SESTD1: variants seen among roughly 807,000 people sequenced by gnomAD.
SESTD1 encodes the protein SEC14 and spectrin domain containing 1.
SESTD1 carries 43 observed loss-of-function variants against 101.7 expected under a neutral mutation model. The ratio of observed to expected loss-of-function variants is 0.42; its 90% CI spans 0.33 to 0.55. The LOEUF is 0.55. Ranked by LOEUF, SESTD1 falls within the 20% of genes least tolerant of loss-of-function variation. The pLI is 0.07. For synonymous variants in SESTD1, 283 were observed against 286.8 expected, an observed-to-expected ratio of 0.99 and a Z score of 0.13; for missense variants, 647 against 815.1, an observed-to-expected ratio of 0.79 and a Z score of 2.51.
chr2:179,244,954 A>G (rs1475668268), intron 1 of SESTD1, among the ~76,000 whole-genome samples: 1 of 152,246 alleles, frequency 6.6e-6, no homozygotes, highest in African/African-American at 2.4e-5. Flanking sequence ...TGATGACAAC[A>G]GTAGACTGTA....
At chr2:179,232,834 C>A (rs908735994) in intron 1 of SESTD1, among the ~76,000 whole-genome samples, 14 of 152,178 alleles carry the variant, frequency 9.2e-5, no homozygotes, top group African/African-American at 3.1e-4. Context: ...ATTTTGTGTA[C>A]AGAGAACCAA....
intron 1 of SESTD1, among the ~76,000 whole-genome samples, chr2:179,263,097 A>T (rs377625676): frequency 1.3e-5 from 2 of 152,236 alleles, no homozygotes; most frequent in East Asian, 3.8e-4. Context: ...TAAATATTCA[A>T]CAAAACGATT....
At chr2:179,177,113 C>A (rs1011207409) in intron 3 of SESTD1, among the ~76,000 whole-genome samples, 2 of 152,194 alleles carry the variant, frequency 1.3e-5, no homozygotes, top group Non-Finnish European at 2.9e-5. Flanking sequence ...TATGCTCTCA[C>A]TTTTGCATTG....
intron 1 of SESTD1, among the ~76,000 whole-genome samples, chr2:179,249,030 G>C (rs2047274095): frequency 6.7e-6 from 1 of 149,400 alleles, no homozygotes; most frequent in Non-Finnish European, 1.5e-5. Flanking sequence ...GGTCAAGGCT[G>C]CACTGAGCCA....
chr2:179,135,367 T>G (rs936767491), intron 9 of SESTD1, among the ~76,000 whole-genome samples: 1 of 152,226 alleles, frequency 6.6e-6, no homozygotes, highest in Non-Finnish European at 1.5e-5. Flanking sequence ...TGTGATATTT[T>G]GTGATTTATC....
intron 1 of SESTD1, among the ~76,000 whole-genome samples, chr2:179,247,810 T>C (rs1450991235): frequency 1.3e-5 from 2 of 151,714 alleles, no homozygotes; most frequent in African/African-American, 4.9e-5. Flanking sequence ...GTACAGCAGA[T>C]ACAGGAATAA....
intron 10 of SESTD1, among the ~76,000 whole-genome samples, chr2:179,130,325 A>G (rs1276439078): frequency 6.6e-6 from 1 of 152,146 alleles, no homozygotes; most frequent in East Asian, 1.9e-4. Context: ...AGAATAATCT[A>G]TAAGGTATTT....
In SESTD1 at chr2:179,143,643, C is replaced by T. The variant is rs776542671; in HGVS notation, c.798G>A (p.Arg266=). ...CTAACTGTGTGCGCTTGCTACGTTG[C>T]CTACAAACTTCCTGGTAGCGGGTAT... ...EQYTRYQEVC[R]QRSKRTQLEE... Residue 266 remains arginine (R), a synonymous_variant, in exon 9 of 18, where the codon AGG becomes AGA. Transcript: ENST00000428443. The T allele has an allele frequency of 7.9e-5, 128 of 1,613,790 alleles. No homozygotes were observed. The highest frequency in any genetic ancestry group is 1.1e-4 in the Non-Finnish European group (125 of 1,179,892).
At chr2:179,172,295 A>G in intron 4 of SESTD1, 62 bp from the exon 5 acceptor site, 1 of 1,114,756 alleles carries the variant, frequency 9.0e-7, no homozygotes, top group Non-Finnish European at 1.3e-6. Flanking sequence ...TACTAAATTT[A>G]TAAATTACCA....
At chr2:179,132,221 A>C in intron 10 of SESTD1, 83 bp downstream of exon 10, 1 of 1,419,050 alleles carries the variant, frequency 7.0e-7, no homozygotes, top group Non-Finnish European at 9.2e-7. Flanking sequence ...AGTTTGCAGC[A>C]ACTTATCACT....
rs914854524 is a variant in SESTD1, at chr2:179,108,153, G to A, written c.*1746C>T. 1 of 152,186 alleles carries A rather than the reference G, an allele frequency of 6.6e-6. No homozygotes were observed. Among genetic ancestry groups the A allele is most frequent in the Admixed American group, 6.5e-5 (1 of 15,272 alleles). The allele number at this position is 152,186 out of a possible 1,614,324, so 9.4% of individuals were successfully genotyped here. On this transcript the variant is annotated 3_prime_UTR_variant, in exon 18 of 18. Coordinates refer to ENST00000428443, the MANE Select transcript of SESTD1 (RefSeq NM_178123.5). ...AAGTCTAGATTTCTGGACCAGGTATGTAATCCAGAACATTGGTATAAAATA... is the reference window on the plus strand; with the variant it reads ...AAGTCTAGATTTCTGGACCAGGTATATAATCCAGAACATTGGTATAAAATA...
intron 5 of SESTD1, among the ~76,000 whole-genome samples, chr2:179,167,185 GAGAT>G (rs1229141542): frequency 2.0e-5 from 3 of 152,186 alleles, no homozygotes; most frequent in Admixed American, 6.5e-5. Flanking sequence ...TTTCAGCAAA[GAGAT>G]AGAAACTCTA....
rs144699409 is a variant in SESTD1 at position 179,145,072 on chromosome 2, T to C, written c.638-1269A>G. Among the ~76,000 whole-genome samples, 194 of 152,258 alleles carry C rather than the reference T, an allele frequency of 1.3e-3. 1 individual carries two copies. The highest frequency in any genetic ancestry group is 4.4e-3 in the African/African-American group (184 of 41,576). ...GACACCTGAATCAATACAACAAATA[T>C]ATTCAGAATTTACTTCTTTATTATT... On this transcript the variant is annotated intron_variant, in intron 8 of 17. Transcript: ENST00000428443.
Position 179,132,306 on chromosome 2 carries a change from T to C in SESTD1, c.970A>G (p.Ser324Gly). ...TTGCAGAGGAAAAAGCCTCTCACACTGTGCTGGCTCTCAATCTCTTCGTGT... is the reference window on the plus strand; with the variant it reads ...TTGCAGAGGAAAAAGCCTCTCACACCGTGCTGGCTCTCAATCTCTTCGTGT... Reference protein sequence around the residue: ...QKHEEIESQHSEWFAVYVELN... With the variant: ...QKHEEIESQHGEWFAVYVELN... Residue 324 changes from serine to glycine, a missense_variant and splice_region_variant, in exon 10 of 18, where the codon AGT becomes GGT. Ser to Gly is a moderately conservative substitution (Grantham distance 56). Transcript: ENST00000428443. 6.5e-7 allele frequency: 1 copy of C among 1,542,308 alleles called. No individual in the cohort carries two copies. Among genetic ancestry groups the C allele is most frequent in the South Asian group, 1.3e-5 (1 of 79,100 alleles).
intron 5 of SESTD1, among the ~76,000 whole-genome samples, chr2:179,154,480 T>C (rs1265416197): frequency 1.3e-5 from 2 of 152,198 alleles, no homozygotes; most frequent in Non-Finnish European, 2.9e-5. Flanking sequence ...TAATTTTTAA[T>C]GAAGTAAGAG....
At chr2:179,184,654 T>G (rs578211058) in intron 2 of SESTD1, among the ~76,000 whole-genome samples, 2 of 152,204 alleles carry the variant, frequency 1.3e-5, no homozygotes, top group East Asian at 3.9e-4. Context: ...ACTAAAAAAG[T>G]TTGAAAATTA....
intron 15 of SESTD1, 57 bp from the exon 16 acceptor site, chr2:179,115,313 G>C: frequency 7.5e-7 from 1 of 1,333,970 alleles, no homozygotes; most frequent in Non-Finnish European, 1.0e-6. Flanking sequence ...GAGAAGGATG[G>C]GGAAAGTGTG....
intron 5 of SESTD1, among the ~76,000 whole-genome samples, chr2:179,167,950 A>G (rs2045864336): frequency 6.6e-6 from 1 of 152,240 alleles, no homozygotes; most frequent in Middle Eastern, 3.4e-3. Flanking sequence ...TTTAGTAGAC[A>G]CGGGGTTTCA....
At chr2:179,120,115 G>A (rs569803186) in intron 13 of SESTD1, among the ~76,000 whole-genome samples, 1 of 152,186 alleles carries the variant, frequency 6.6e-6, no homozygotes, top group East Asian at 1.9e-4. Context: ...TATAGTCCCA[G>A]CTACTCGGAA....
Sources: gnomAD v4.1 joint callset for allele counts (sites outside exome capture counted in the v4.1 genomes callset) on GRCh38, gnomAD v4.1.1 for gene constraint, MANE v1.5 for transcripts, NCBI Gene and HGNC (gene_info 2026-07-23, HGNC 2026-07-21) for gene names.